The following DNHD1 variants were observed in gnomAD, a reference collection of about 807,000 sequenced individuals.
DNHD1 encodes the protein dynein heavy chain domain-containing protein 1.
In DNHD1, 383 loss-of-function variants were observed where a neutral mutation model predicts 458.1. The ratio of observed to expected loss-of-function variants is 0.84; its 90% CI spans 0.77 to 0.91. The LOEUF (loss-of-function observed/expected upper bound fraction) is 0.91. DNHD1 is among the 40% of genes least tolerant of loss of function. The pLI is 0.00. For missense variants in DNHD1, 5,336 were observed against 5,866.1 expected (o/e 0.91, Z 2.95); for synonymous variants, 2,203 against 2,376.9 (o/e 0.93, Z 2.13).
chr11:6,553,368 A>G (rs1853401068), intron 24 of DNHD1, among the ~76,000 whole-genome samples: 1 of 152,244 alleles, frequency 6.6e-6, no homozygotes, highest in South Asian at 2.1e-4. Context: ...AAAAGCATCT[A>G]TTATACTTAC....
chr11:6,546,921 G>T lies in DNHD1; in HGVS notation c.5982G>T (p.Ala1994=). The T allele has an allele frequency of 4.5e-6, 7 of 1,551,576 alleles. No homozygotes were observed. The highest frequency in any genetic ancestry group is 1.4e-5 in the African/African-American group (1 of 73,174). The change falls in exon 21 of 43, where the codon GCG becomes GCT. Residue 1994 remains alanine (A), a synonymous_variant. Coordinates refer to ENST00000254579, the MANE Select transcript of DNHD1 (RefSeq NM_144666.3). ...CAGGCATTCTGCTCCTGGGCCCTGCGGGCAGCGGCAAGACCACTTGTTGGC... is the reference window on the plus strand; with the variant it reads ...CAGGCATTCTGCTCCTGGGCCCTGCTGGCAGCGGCAAGACCACTTGTTGGC... ...RASGILLLGP[A]GSGKTTCWHS... is the part of the protein sequence containing the mutation.
chr11:6,570,930 T>C lies in DNHD1; in HGVS notation c.13418T>C (p.Leu4473Pro). The change falls in exon 42 of 43, where the codon CTG (leucine) becomes CCG (proline). Residue 4473 changes from leucine to proline, a missense_variant. By Grantham distance (98) the Leu-to-Pro change is moderately conservative. This residue lies in a region of DNHD1 where 698 missense variants were observed against 664.9 expected (regional missense o/e 1.05). Coordinates refer to ENST00000254579, the MANE Select transcript of DNHD1 (RefSeq NM_144666.3). ...GAGTCCGACGCCCCGTGGTCAGTGC[T>C]GGGGCCAAATGCACGGCGGCCTCTG... is the stretch of plus-strand genomic sequence containing the variant. ...QDESDAPWSV[L>P]GPNARRPLEG... 1 of 1,610,474 alleles carries C rather than the reference T, an allele frequency of 6.2e-7. No homozygotes were observed. Among genetic ancestry groups the C allele is most frequent in the East Asian group, 2.2e-5 (1 of 44,788 alleles).
chr11:6,535,665 C>G (rs2344929), intron 14 of DNHD1, among the ~76,000 whole-genome samples: 4 of 151,842 alleles, frequency 2.6e-5, no homozygotes, highest in African/African-American at 9.7e-5. Context: ...ATTTATTATG[C>G]GTAGTAATAA....
chr11:6,499,381 C>T (rs897785500), intron 3 of DNHD1, among the ~76,000 whole-genome samples: 2 of 152,056 alleles, frequency 1.3e-5, no homozygotes, highest in African/African-American at 4.8e-5. Flanking sequence ...TCAAGGTACC[C>T]CTGGGGAATG....
intron 4 of DNHD1, among the ~76,000 whole-genome samples, chr11:6,506,677 G>C (rs537553558): frequency 9.3e-4 from 141 of 152,150 alleles, no homozygotes; most frequent in African/African-American, 3.1e-3. Flanking sequence ...TCTTTGCTCA[G>C]CTGTCACTCC....
intron 18 of DNHD1, among the ~76,000 whole-genome samples, chr11:6,543,903 G>A (rs1483649616): frequency 7.1e-6 from 1 of 141,180 alleles, no homozygotes; most frequent in African/African-American, 2.6e-5. Context: ...ATAGTACAGT[G>A]AGCTGAGATC....
Position 6,548,106 on chromosome 11 carries a change from A to C in DNHD1, c.6905+66A>C. ...GATGGACTGGCCCATGGAAGTAAAA[A>C]CCCACATGACATCACTGTTAGGGTA... On this transcript the variant is annotated intron_variant, in intron 22 of 42. Coordinates refer to ENST00000254579, the MANE Select transcript of DNHD1 (RefSeq NM_144666.3). This position sits in a 1 kb window ranked among gnomAD's most constrained non-coding sequence, Gnocchi z 4.4. 6.5e-7 allele frequency: 1 copy of C among 1,547,818 alleles called. No individual in the cohort carries two copies. Among genetic ancestry groups the C allele is most frequent in the Non-Finnish European group, 8.7e-7 (1 of 1,143,688 alleles).
intron 4 of DNHD1, chr11:6,503,217 T>G: frequency 3.2e-6 from 1 of 311,368 alleles, no homozygotes; most frequent in South Asian, 8.8e-5. Context: ...AAACATTTGT[T>G]CACAGCCTTA....
intron 12 of DNHD1, among the ~76,000 whole-genome samples, chr11:6,532,741 C>T (rs1210661976): frequency 1.3e-5 from 2 of 152,156 alleles, no homozygotes. Flanking sequence ...ATTTATCACA[C>T]TGATTTGTGA....
chr11:6,515,726 A>G (rs1852447970), intron 7 of DNHD1, among the ~76,000 whole-genome samples: 1 of 151,604 alleles, frequency 6.6e-6, no homozygotes, highest in Admixed American at 6.6e-5. Flanking sequence ...ACCTAAAAGA[A>G]TATGTATTAG....
At chr11:6,562,935 G>T in intron 28 of DNHD1, 47 bp from the exon 29 acceptor site, 1 of 1,534,782 alleles carries the variant, frequency 6.5e-7, no homozygotes, top group Non-Finnish European at 8.8e-7. Flanking sequence ...GGGGTTTCCC[G>T]CGTGGCCCAA....
intron 7 of DNHD1, 34 bp from the exon 8 acceptor site, chr11:6,519,566 C>T (rs771013859): frequency 3.1e-6 from 5 of 1,611,246 alleles, no homozygotes; most frequent in Non-Finnish European, 4.2e-6. Flanking sequence ...CTCTCCATCC[C>T]CCTATCTGGT....
At chr11:6,550,142 T>G (rs1853310356) in intron 24 of DNHD1, among the ~76,000 whole-genome samples, 1 of 152,242 alleles carries the variant, frequency 6.6e-6, no homozygotes, top group Non-Finnish European at 1.5e-5. Flanking sequence ...CTATGTCATC[T>G]TCAGTGCTCA....
At position 6,558,526 on chromosome 11, in the gene DNHD1, T is replaced by A. The variant is rs1040274649; in HGVS notation, c.9044T>A (p.Leu3015Gln). Residue 3015 changes from leucine to glutamine, a missense_variant, in exon 26 of 43, where the codon CTG (leucine) becomes CAG (glutamine). By Grantham distance (113) the Leu-to-Gln change is moderately radical. This residue lies in a region of DNHD1 where 3,932 missense variants were observed against 4,365.6 expected (regional missense o/e 0.90). Coordinates refer to ENST00000254579, the MANE Select transcript of DNHD1 (RefSeq NM_144666.3). ...TGCAGCCACCTTCACCTGTTCTTCCTGATTGGAGATAAACAGGCCCACAAG... is the reference window on the plus strand; with the variant it reads ...TGCAGCCACCTTCACCTGTTCTTCCAGATTGGAGATAAACAGGCCCACAAG... ...QVCSHLHLFF[L>Q]IGDKQAHKQL... The A allele has an allele frequency of 1.2e-5, 18 of 1,551,606 alleles. No individual in the cohort carries two copies. The highest frequency in any genetic ancestry group is 2.0e-5 in the Admixed American group (1 of 50,990).
rs539569885 is a variant in DNHD1 at position 6,567,790 on chromosome 11, C to T, written c.12281C>T (p.Pro4094Leu). The T allele has an allele frequency of 2.5e-5, 40 of 1,613,896 alleles. No homozygotes were observed. Among genetic ancestry groups the T allele is most frequent in the African/African-American group, 8.0e-5 (6 of 75,070 alleles). Residue 4094 changes from proline to leucine, a missense_variant, in exon 36 of 43, where the codon CCG becomes CTG. By Grantham distance (98) the Pro-to-Leu change is moderately conservative (BLOSUM62 -3). Coordinates refer to ENST00000254579, the MANE Select transcript of DNHD1 (RefSeq NM_144666.3). ...CAGCCCATGCTGATCTTGTTGCCAC[C>T]GCCTGGCCACCCCTCAGCCACTCTG... The part of the protein sequence containing the change: ...ATQPMLILLP[P>L]PGHPSATLHP...
Position 6,539,952 on chromosome 11 carries a change from A to C in DNHD1, c.3497A>C (p.Gln1166Pro). Residue 1166 changes from glutamine to proline, a missense_variant, in exon 18 of 43, where the codon CAG (glutamine) becomes CCG (proline). This residue lies in a region of DNHD1 where 3,932 missense variants were observed against 4,365.6 expected (regional missense o/e 0.90). Transcript: ENST00000254579. ...TTGCAGCGGTACTGGGAAGCGCGCC[A>C]GCTGCGCCTGCTCAACTTCATCCTG... ...RRLQRYWEAR[Q>P]LRLLNFILHV... 1 of 1,551,766 alleles carries C rather than the reference A, an allele frequency of 6.4e-7. No homozygotes were observed. Among genetic ancestry groups the C allele is most frequent in the Non-Finnish European group, 8.7e-7 (1 of 1,147,004 alleles).
At chr11:6,512,468 C>T (rs546594793) in intron 7 of DNHD1, among the ~76,000 whole-genome samples, 28 of 151,912 alleles carry the variant, frequency 1.8e-4, no homozygotes, top group Non-Finnish European at 3.2e-4. Flanking sequence ...GTGATCCGCC[C>T]ACCTCGGCCT....
In DNHD1 at chr11:6,571,199, G is replaced by C; in HGVS notation, c.13687G>C (p.Val4563Leu). Residue 4563 changes from valine (V) to leucine (L), a missense_variant, in exon 42 of 43, where the codon GTT (valine) becomes CTT (leucine). Coordinates refer to ENST00000254579, the MANE Select transcript of DNHD1 (RefSeq NM_144666.3). The surrounding 1 kb of genome is among the most constrained non-coding windows in gnomAD (Gnocchi z 5.0). ...RQLSRRGQLL[V>L]RYLGVGADAS... Reference sequence around the variant, plus strand: ...GTTGTCGCGCCGTGGGCAACTGTTGGTTCGTTACTTGGGCGTGGGCGCGGA... The same window carrying C: ...GTTGTCGCGCCGTGGGCAACTGTTGCTTCGTTACTTGGGCGTGGGCGCGGA... 1.9e-6 allele frequency: 3 copies of C among 1,606,182 alleles called. No homozygotes were observed. Among genetic ancestry groups the C allele is most frequent in the Non-Finnish European group, 2.6e-6 (3 of 1,175,500 alleles).
rs926897149 is a variant in DNHD1 at position 6,545,702 on chromosome 11, T to C, written c.4763T>C (p.Leu1588Pro). 1 of 1,551,726 alleles carries C rather than the reference T, an allele frequency of 6.4e-7. No homozygotes were observed. The highest frequency in any genetic ancestry group is 2.0e-5 in the Admixed American group (1 of 51,014). ...AVTHRDIAQL[L>P]EQHQVSDLTD... ...ACTCACCGGGATATAGCACAGCTGC[T>C]GGAACAGCACCAGGTCAGTGATCTC... Residue 1588 changes from leucine (L) to proline (P), a missense_variant, in exon 21 of 43, where the codon CTG becomes CCG. Coordinates refer to ENST00000254579, the MANE Select transcript of DNHD1 (RefSeq NM_144666.3). This position sits in a 1 kb window ranked among gnomAD's most constrained non-coding sequence, Gnocchi z 4.9.
Sources: allele counts gnomAD v4.1 joint callset (sites outside exome capture counted in the v4.1 genomes callset), GRCh38; gene constraint gnomAD v4.1.1; regional missense constraint gnomAD v4.1.1; non-coding constraint Gnocchi (gnomAD v3.1); transcripts MANE v1.5; gene names NCBI Gene and HGNC (gene_info 2026-07-23, HGNC 2026-07-21).